The following NUMB variants were observed in gnomAD, a reference collection of about 807,000 sequenced individuals.
The protein encoded by NUMB is NUMB endocytic adaptor protein.
A neutral mutation model predicts 59.7 loss-of-function variants in NUMB; 29 were observed. That is an observed-to-expected ratio of 0.49 (90% confidence interval 0.36 to 0.66). The LOEUF (loss-of-function observed/expected upper bound fraction) is 0.66, where lower values mean the gene tolerates loss of function less well. Among genes scored for constraint, NUMB ranks in the 30% least tolerant of loss-of-function variants. NUMB has a pLI of 0.00. For missense variants in NUMB, 723 were observed against 822.0 expected, an observed-to-expected ratio of 0.88 and a Z score of 1.47; for synonymous variants, 288 against 288.2, an observed-to-expected ratio of 1.00 and a Z score of 0.01.
In NUMB at chr14:73,357,359, C is replaced by T. The variant is rs572887314; in HGVS notation, c.-15-1593G>A. Among the ~76,000 whole-genome samples, 104 of 143,742 alleles carry T rather than the reference C, an allele frequency of 7.2e-4. 1 individual carries two copies. The highest frequency in any genetic ancestry group is 1.3e-3 in the Non-Finnish European group (88 of 65,812). 94.3% of individuals were successfully genotyped at this position (143,742 alleles called of 152,430 possible). A position where few individuals can be genotyped will look rare whatever the true frequency, so the allele number is the denominator to read the frequency against. On this transcript the variant is annotated intron_variant, in intron 3 of 12. Transcript: ENST00000555238. ...CAGAGGCTGCAGTGAGCCAAGATCG[C>T]GCCACTTCACTCCAGCCTAGGCAAA...
At chr14:73,291,706 CAG>C (rs930744700) in intron 8 of NUMB, among the ~76,000 whole-genome samples, 203 of 147,306 alleles carry the variant, frequency 1.4e-3, no homozygotes, top group African/African-American at 4.7e-3. Flanking sequence ...TTTTTTTGGC[CAG>C]AGTCTTGCTC....
chr14:73,394,529 C>T (rs985590959), intron 2 of NUMB, among the ~76,000 whole-genome samples: 3 of 152,118 alleles, frequency 2.0e-5, no homozygotes, highest in African/African-American at 7.2e-5. Context: ...TGGCCTATGC[C>T]TCCTGAGTAG....
At chr14:73,454,067 G>A (rs776166220) in intron 1 of NUMB, among the ~76,000 whole-genome samples, 17 of 136,012 alleles carry the variant, frequency 1.2e-4, no homozygotes, top group East Asian at 3.9e-4. Flanking sequence ...AAAGTTGGGC[G>A]GGGGGGGAAC....
chr14:73,324,497 C>T (rs1891563863), intron 4 of NUMB, among the ~76,000 whole-genome samples: 1 of 152,094 alleles, frequency 6.6e-6, no homozygotes, highest in Non-Finnish European at 1.5e-5. Flanking sequence ...AGGGAAAGTT[C>T]TCTTCTCCCC....
chr14:73,283,337 T>A (rs529760239), intron 10 of NUMB, among the ~76,000 whole-genome samples: 94 of 152,344 alleles, frequency 6.2e-4, no homozygotes, highest in Non-Finnish European at 1.1e-3. Flanking sequence ...TGTACTTTTA[T>A]ACCATCAGTA....
chr14:73,424,361 G>A (rs1054458366), intron 1 of NUMB, among the ~76,000 whole-genome samples: 3 of 152,124 alleles, frequency 2.0e-5, no homozygotes, highest in Non-Finnish European at 4.4e-5. Flanking sequence ...CATTGATTCT[G>A]ACAACGAATT....
At chr14:73,313,888 A>G (rs1388959992) in intron 6 of NUMB, among the ~76,000 whole-genome samples, 3 of 151,578 alleles carry the variant, frequency 2.0e-5, no homozygotes, top group Non-Finnish European at 2.9e-5. Context: ...GCTCATTGCA[A>G]CCTCTGCCTC....
intron 4 of NUMB, among the ~76,000 whole-genome samples, chr14:73,353,072 G>GTTTGTTTTTTTTTTT (rs1893523626): frequency 1.7e-5 from 1 of 58,514 alleles, no homozygotes; most frequent in Non-Finnish European, 3.3e-5. Flanking sequence ...AGTTTTTCTT[G>GTTTGTTTTTTTTTTT]TTTTTTTTTT....
intron 2 of NUMB, among the ~76,000 whole-genome samples, chr14:73,374,066 A>C (rs561571678): frequency 3.3e-5 from 5 of 151,934 alleles, no homozygotes; most frequent in African/African-American, 1.2e-4. Context: ...ACGGGGTTTC[A>C]CCATTGTTGG....
chr14:73,393,835 A>G (rs997892312), intron 2 of NUMB, among the ~76,000 whole-genome samples: 2 of 152,224 alleles, frequency 1.3e-5, no homozygotes, highest in Non-Finnish European at 2.9e-5. Flanking sequence ...CCCCTCTTCT[A>G]ATAGCTTTGC....
At chr14:73,428,459 G>A (rs1391462496) in intron 1 of NUMB, among the ~76,000 whole-genome samples, 1 of 152,114 alleles carries the variant, frequency 6.6e-6, no homozygotes, top group Non-Finnish European at 1.5e-5. Flanking sequence ...TACCAGTGAG[G>A]TCCACCACCT....
chr14:73,400,457 G>A (rs1390735131), intron 2 of NUMB, among the ~76,000 whole-genome samples: 2 of 152,144 alleles, frequency 1.3e-5, no homozygotes, highest in Admixed American at 6.5e-5. Context: ...TGGGTTTATC[G>A]ATTATAACAA....
At chr14:73,286,188 C>CA (rs1566726293) in intron 9 of NUMB, 5 of 108,882 alleles carry the variant, frequency 4.6e-5, no homozygotes, top group Non-Finnish European at 3.4e-5. Context: ...CCAAATATGG[C>CA]AATTTTTTTT....
chr14:73,407,161 C>CAA (rs539925620), intron 2 of NUMB, among the ~76,000 whole-genome samples: 2 of 134,898 alleles, frequency 1.5e-5, no homozygotes, highest in South Asian at 2.4e-4. Context: ...TTTTTAAATG[C>CAA]AAAAAAAAAA....
chr14:73,420,703 C>G (rs1897315869), intron 1 of NUMB, among the ~76,000 whole-genome samples: 1 of 152,056 alleles, frequency 6.6e-6, no homozygotes, highest in South Asian at 2.1e-4. Flanking sequence ...GTCTGTAATC[C>G]TGGCTACTTG....
rs1400294907 is a variant in NUMB at position 73,279,429 on chromosome 14, A to G, written c.1097-5T>C. The stretch of plus-strand genomic sequence containing the variant: ...AGGCTGAGTCAGTGCCATTAGCTAC[A>G]ACGGGAGCAGACAACATCAATGGAG... On this transcript the variant is annotated splice_polypyrimidine_tract_variant and splice_region_variant and intron_variant, in intron 11 of 12. Transcript: ENST00000555238. The G allele has an allele frequency of 8.9e-6, 14 of 1,571,122 alleles. No individual in the cohort carries two copies. The highest frequency in any genetic ancestry group is 1.8e-5 in the Admixed American group (1 of 54,418).
At chr14:73,417,350 C>T (rs2140144553) in intron 1 of NUMB, among the ~76,000 whole-genome samples, 2 of 152,166 alleles carry the variant, frequency 1.3e-5, no homozygotes, top group Middle Eastern at 6.8e-3. Context: ...TACCATGGGG[C>T]TGGAGCCCAA....
chr14:73,312,713 CAAAA>C (rs544005367), intron 6 of NUMB, among the ~76,000 whole-genome samples: 5 of 64,084 alleles, frequency 7.8e-5, no homozygotes, highest in Non-Finnish European at 1.4e-4. Context: ...GACCCTGTCT[CAAAA>C]AAAAAAAAAA....
intron 4 of NUMB, among the ~76,000 whole-genome samples, chr14:73,339,452 T>C (rs1449301707): frequency 6.6e-6 from 1 of 151,388 alleles, no homozygotes; most frequent in Non-Finnish European, 1.5e-5. Context: ...TACAACCTAC[T>C]TCCCTCAGGC....
Sources: allele counts gnomAD v4.1 joint callset (sites outside exome capture counted in the v4.1 genomes callset), GRCh38; gene constraint gnomAD v4.1.1; transcripts MANE v1.5; gene names NCBI Gene and HGNC (gene_info 2026-07-23, HGNC 2026-07-21).